LINGO1: variants seen among roughly 807,000 people sequenced by gnomAD.
The protein encoded by LINGO1 is leucine-rich repeat and immunoglobulin-like domain-containing nogo receptor-interacting protein 1.
In LINGO1, 11 loss-of-function variants were observed where a neutral mutation model predicts 37.3. The observed-to-expected ratio is 0.29, with a 90% CI of 0.19 to 0.49. LINGO1 has a LOEUF of 0.49. Ranked by LOEUF, LINGO1 falls within the 20% of genes least tolerant of loss-of-function variation. The probability of loss-of-function intolerance (pLI) is 0.99; values close to 1 mark genes in which losing one functional copy is unlikely to be tolerated. For missense variants in LINGO1, 585 were observed against 878.2 expected (o/e 0.67, Z 4.22); for synonymous variants, 387 against 403.0 (o/e 0.96, Z 0.48).
At chr15:77,741,884 C>T (rs2076268102) in intron 1 of LINGO1, among the ~76,000 whole-genome samples, 2 of 152,318 alleles carry the variant, frequency 1.3e-5, no homozygotes, top group South Asian at 2.1e-4. Context: ...CTTCCCAAGA[C>T]CTCAGCTGAA....
chr15:77,634,197 G>A, upstream of LINGO1: 1 of 453,878 alleles, frequency 2.2e-6, no homozygotes, highest in South Asian at 1.6e-5. Flanking sequence ...GGTTGCCACG[G>A]AGGGACCTCT....
intron 1 of LINGO1, among the ~76,000 whole-genome samples, chr15:77,776,538 G>GAGTA (rs1567577879): frequency 2.0e-3 from 70 of 34,328 alleles, no homozygotes; most frequent in East Asian, 4.4e-3. Flanking sequence ...GGGAGGGAGG[G>GAGTA]AGGGAGGGAG....
intron 1 of LINGO1, among the ~76,000 whole-genome samples, chr15:77,748,678 CT>C (rs932430730): frequency 6.6e-5 from 10 of 151,462 alleles, no homozygotes; most frequent in South Asian, 2.1e-4. Context: ...AGCTCAATTT[CT>C]TTTTTTTTCT....
intron 1 of LINGO1, chr15:77,820,029 C>G (rs1455232165): frequency 6.6e-6 from 1 of 152,428 alleles, no homozygotes; most frequent in Non-Finnish European, 1.5e-5. Flanking sequence ...TGCGCTGCCT[C>G]TCACATTCTC....
chr15:77,616,795 C>A (rs1001175262), intron 1 of LINGO1, among the ~76,000 whole-genome samples: 2 of 152,338 alleles, frequency 1.3e-5, no homozygotes, highest in African/African-American at 4.8e-5. Context: ...TCTGGCAATG[C>A]CCCTTCCCTG....
intron 2 of LINGO1, among the ~76,000 whole-genome samples, chr15:77,681,432 A>G (rs1157807449): frequency 6.6e-6 from 1 of 152,110 alleles, no homozygotes; most frequent in African/African-American, 2.4e-5. Context: ...TCTCAGCTCC[A>G]AAGTCCAACT....
intron 2 of LINGO1, among the ~76,000 whole-genome samples, chr15:77,701,733 T>C (rs1434104075): frequency 6.6e-6 from 1 of 152,178 alleles, no homozygotes; most frequent in East Asian, 1.9e-4. Context: ...TTCCTTTCTC[T>C]TGTCATGCGA....
At chr15:77,719,640 T>C (rs1012315170) in intron 2 of LINGO1, among the ~76,000 whole-genome samples, 1 of 149,812 alleles carries the variant, frequency 6.7e-6, no homozygotes, top group Non-Finnish European at 1.5e-5. Context: ...CTTCCAACAA[T>C]CTGTGGGCTG....
At chr15:77,725,892 G>A (rs931664557) in intron 2 of LINGO1, among the ~76,000 whole-genome samples, 2 of 152,196 alleles carry the variant, frequency 1.3e-5, no homozygotes, top group African/African-American at 2.4e-5. Context: ...TACATAGAGC[G>A]GCCGCCCCAC....
chr15:77,674,467 C>A (rs2075298390), intron 3 of LINGO1, among the ~76,000 whole-genome samples: 1 of 152,216 alleles, frequency 6.6e-6, no homozygotes, highest in African/African-American at 2.4e-5. Context: ...CTCCAGGCGG[C>A]CTGCAGGCCC....
At chr15:77,684,256 A>G (rs2075465855) in intron 2 of LINGO1, among the ~76,000 whole-genome samples, 16 of 152,182 alleles carry the variant, frequency 1.1e-4, no homozygotes, top group Admixed American at 1.0e-3. Context: ...CGTGCCTTGC[A>G]TTGTATTGAC....
chr15:77,756,041 G>T (rs955736940), intron 1 of LINGO1, among the ~76,000 whole-genome samples: 1 of 151,324 alleles, frequency 6.6e-6, no homozygotes, highest in East Asian at 1.9e-4. Flanking sequence ...TGGGAAGTAG[G>T]GGGGTGGCAG....
chr15:77,742,248 C>A (rs1471004671), intron 1 of LINGO1, among the ~76,000 whole-genome samples: 1 of 152,242 alleles, frequency 6.6e-6, no homozygotes, highest in Non-Finnish European at 1.5e-5. Flanking sequence ...TGAGAAGGCC[C>A]AGGCTGGCCC....
At chr15:77,734,618 C>T (rs1470295516) in intron 2 of LINGO1, among the ~76,000 whole-genome samples, 1 of 151,818 alleles carries the variant, frequency 6.6e-6, no homozygotes, top group African/African-American at 2.4e-5. Context: ...GGGTGGCCCA[C>T]AGCTCTGCTC....
At chr15:77,625,296 T>G (rs1475992571) in intron 1 of LINGO1, among the ~76,000 whole-genome samples, 1 of 152,194 alleles carries the variant, frequency 6.6e-6, no homozygotes, top group Non-Finnish European at 1.5e-5. Flanking sequence ...AAACCCCTCG[T>G]AGGTGGCCTT....
intron 2 of LINGO1, among the ~76,000 whole-genome samples, chr15:77,792,491 C>T (rs1053064332): frequency 6.6e-6 from 1 of 152,208 alleles, no homozygotes; most frequent in African/African-American, 2.4e-5. Flanking sequence ...CTGTGCTGGT[C>T]CCAGCTCCAA....
chr15:77,799,285 G>GGGCGCCAGGCCAGAAGGCC (rs1475113436), intron 1 of LINGO1, among the ~76,000 whole-genome samples: 4 of 152,124 alleles, frequency 2.6e-5, no homozygotes, highest in Non-Finnish European at 5.9e-5. Flanking sequence ...ATCAGAGGGC[G>GGGCGCCAGGCCAGAAGGCC]GGCGCCAGGC....
upstream of LINGO1, among the ~76,000 whole-genome samples, chr15:77,639,332 T>C (rs1386753112): frequency 6.6e-6 from 1 of 152,078 alleles, no homozygotes; most frequent in Non-Finnish European, 1.5e-5. Context: ...TCATGCTCCA[T>C]CTGTAAAATG....
chr15:77,707,743 A>C (rs1019178262), intron 2 of LINGO1, among the ~76,000 whole-genome samples: 4 of 152,298 alleles, frequency 2.6e-5, no homozygotes, highest in African/African-American at 9.6e-5. Flanking sequence ...GGGCAGACTC[A>C]GGAAGAGGCT....
Sources: gnomAD v4.1 joint callset for allele counts (sites outside exome capture counted in the v4.1 genomes callset) on GRCh38, gnomAD v4.1.1 for gene constraint, MANE v1.5 for transcripts, NCBI Gene and HGNC (gene_info 2026-07-23, HGNC 2026-07-21) for gene names.